Variants in GRID2IP observed in about 807,000 individuals in gnomAD.
GRID2IP encodes the protein delphilin.
In GRID2IP, 78 loss-of-function variants were observed where a neutral mutation model predicts 114.3. That is an observed-to-expected ratio of 0.68 (90% CI 0.57 to 0.82). GRID2IP has a LOEUF of 0.82. Ranked by LOEUF, GRID2IP falls within the 40% of genes least tolerant of loss-of-function variation. GRID2IP has a pLI of 0.00. For synonymous variants in GRID2IP, 809 were observed against 724.0 expected, an observed-to-expected ratio of 1.12 and a Z score of -1.89; for missense variants, 1,727 against 1,678.5, an observed-to-expected ratio of 1.03 and a Z score of -0.51.
rs937078005 is a variant in GRID2IP, at chr7:6,523,542, T to C, written c.920-1585A>G. Among the ~76,000 whole-genome samples the C allele has an allele frequency of 1.3e-5, 2 of 151,954 alleles. No homozygotes were observed. Among genetic ancestry groups the C allele is most frequent in the Admixed American group, 1.3e-4 (2 of 15,236 alleles). ...AGGCATGGGATCACTGGCTTGAAGG[T>C]TGGGTTGGGAAGAACAGCAGACCTG... On this transcript the variant is annotated intron_variant, in intron 4 of 21. Coordinates refer to ENST00000457091, the MANE Select transcript of GRID2IP (RefSeq NM_001145118.2). This position sits in a 1 kb window ranked among gnomAD's most constrained non-coding sequence, Gnocchi z 4.5.
intron 20 of GRID2IP, among the ~76,000 whole-genome samples, chr7:6,499,507 T>C (rs908334444): frequency 2.6e-5 from 4 of 152,226 alleles, no homozygotes; most frequent in African/African-American, 9.6e-5. Context: ...CTCGGCTTAC[T>C]GCAATCTCCG....
rs531684528 is a variant in GRID2IP, at chr7:6,508,854, C to T, written c.2127+104G>A. The T allele has an allele frequency of 1.4e-3, 2,044 of 1,462,162 alleles. 3 individuals carry two copies. Among genetic ancestry groups the T allele is most frequent in the Non-Finnish European group, 1.2e-3 (1,373 of 1,107,660 alleles). 90.6% of individuals were successfully genotyped at this position (1,462,162 alleles called of 1,614,324 possible). A position where few individuals can be genotyped will look rare whatever the true frequency, so the allele number is the denominator to read the frequency against. ...GGGAGTGGGATAGCCTGGGGAAGAT[C>T]CCAAGGGCAGCAGGCCCCTTGCGGG... On this transcript the variant is annotated intron_variant, in intron 12 of 21. Coordinates refer to ENST00000457091, the MANE Select transcript of GRID2IP (RefSeq NM_001145118.2). This position sits in a 1 kb window ranked among gnomAD's most constrained non-coding sequence, Gnocchi z 5.6.
chr7:6,520,301 A>T lies in GRID2IP; in HGVS notation c.1268+277T>A, dbSNP rs1412549521. Among the ~76,000 whole-genome samples, 1 of 152,046 alleles carries T rather than the reference A, an allele frequency of 6.6e-6. No homozygotes were observed. The highest frequency in any genetic ancestry group is 2.1e-4 in the South Asian group (1 of 4,824). On this transcript the variant is annotated intron_variant, in intron 7 of 21. Coordinates refer to ENST00000457091, the MANE Select transcript of GRID2IP (RefSeq NM_001145118.2). This position sits in a 1 kb window ranked among gnomAD's most constrained non-coding sequence, Gnocchi z 4.6. The stretch of plus-strand genomic sequence containing the variant: ...GCGAGACTCCATCTCAAAAAAAAAA[A>T]ATAGAATGTTGCAGGTGGTTCCTGT...
chr7:6,521,445 G>A lies in GRID2IP; in HGVS notation c.1068C>T (p.Leu356=), dbSNP rs751263311. 1.2e-5 allele frequency: 19 copies of A among 1,546,964 alleles called. No homozygotes were observed. Among genetic ancestry groups the A allele is most frequent in the Non-Finnish European group, 1.5e-5 (17 of 1,144,702 alleles). Residue 356 remains leucine, a synonymous_variant, in exon 6 of 22, where the codon CTC becomes CTT. Coordinates refer to ENST00000457091, the MANE Select transcript of GRID2IP (RefSeq NM_001145118.2). This position sits in a 1 kb window ranked among gnomAD's most constrained non-coding sequence, Gnocchi z 4.1. ...GGGTCTCACCACTGGCAAATGGGAC[G>A]AGCCCTTCCTCCACCACCAGCGTGG... ...AMPTLVVEEG[L]VPFASDSDSL... is the part of the protein sequence containing the mutation.
In GRID2IP at chr7:6,507,918, C is replaced by T; in HGVS notation, c.2544+67G>A. ...GGAAGATGCCTGGCCGATGGGTTTT[C>T]CTTCAGTGCTGCTGCCCAAGCCATC... is the stretch of plus-strand genomic sequence containing the variant. On this transcript the variant is annotated intron_variant, in intron 13 of 21. Coordinates refer to ENST00000457091, the MANE Select transcript of GRID2IP (RefSeq NM_001145118.2). The surrounding 1 kb of genome is among the most constrained non-coding windows in gnomAD (Gnocchi z 5.3). 2.0e-6 allele frequency: 3 copies of T among 1,529,550 alleles called. No individual in the cohort carries two copies. Among genetic ancestry groups the T allele is most frequent in the Non-Finnish European group, 2.6e-6 (3 of 1,137,416 alleles). 94.7% of individuals were successfully genotyped at this position (1,529,550 alleles called of 1,614,324 possible). A position where few individuals can be genotyped will look rare whatever the true frequency, so the allele number is the denominator to read the frequency against.
At position 6,551,065 on chromosome 7, in the gene GRID2IP, C is replaced by G. The variant is rs542682507; in HGVS notation, c.372G>C (p.Lys124Asn). ...GRELLRLAGR[K>N]RPDAVHRERR... Reference sequence around the variant, plus strand: ...GCTCTCGGTGCACCGCGTCCGGGCGCTTGCGGCCGGCCAGGCGAAGCAGCT... The same window carrying G: ...GCTCTCGGTGCACCGCGTCCGGGCGGTTGCGGCCGGCCAGGCGAAGCAGCT... The change falls in exon 1 of 22, where the codon AAG becomes AAC. Residue 124 changes from lysine to asparagine, a missense_variant. Physicochemically the swap from Lys to Asn is moderately conservative, Grantham distance 94 (BLOSUM62 0). Coordinates refer to ENST00000457091, the MANE Select transcript of GRID2IP (RefSeq NM_001145118.2). 2,428 of 1,313,886 alleles carry G rather than the reference C, an allele frequency of 1.8e-3. 7 individuals carry two copies. The highest frequency in any genetic ancestry group is 2.2e-3 in the South Asian group (104 of 46,818). The allele number at this position is 1,313,886 out of a possible 1,614,324, so 81.4% of individuals were successfully genotyped here. A position where few individuals can be genotyped will look rare whatever the true frequency, so the allele number is the denominator to read the frequency against.
rs1039156653 is a variant in GRID2IP at position 6,506,970 on chromosome 7, A to G, written c.2544+1015T>C. Among the ~76,000 whole-genome samples, 6 of 152,078 alleles carry G rather than the reference A, an allele frequency of 3.9e-5. No individual in the cohort carries two copies. The highest frequency in any genetic ancestry group is 1.4e-4 in the African/African-American group (6 of 41,406). On this transcript the variant is annotated intron_variant, in intron 13 of 21. Coordinates refer to ENST00000457091, the MANE Select transcript of GRID2IP (RefSeq NM_001145118.2). This position sits in a 1 kb window ranked among gnomAD's most constrained non-coding sequence, Gnocchi z 5.2. ...AGTGCTGGGATTACAGGCGTGAACC[A>G]CCAAGCCTGGCCTCAATGGGCATCT...
At chr7:6,544,770 A>C (rs1779862286) in intron 1 of GRID2IP, among the ~76,000 whole-genome samples, 1 of 151,710 alleles carries the variant, frequency 6.6e-6, no homozygotes, top group Non-Finnish European at 1.5e-5. Context: ...GGGCAACATA[A>C]CCAGACCCTG....
intron 2 of GRID2IP, among the ~76,000 whole-genome samples, chr7:6,531,968 A>G (rs890328275): frequency 1.3e-5 from 2 of 152,074 alleles, no homozygotes; most frequent in Non-Finnish European, 2.9e-5. Context: ...CACCCAGGTG[A>G]GTGGGGAGGG....
rs1406393446 is a variant in GRID2IP at position 6,520,024 on chromosome 7, C to T, written c.1268+554G>A. Among the ~76,000 whole-genome samples the T allele has an allele frequency of 1.3e-5, 2 of 152,062 alleles. No individual in the cohort carries two copies. The highest frequency in any genetic ancestry group is 1.5e-5 in the Non-Finnish European group (1 of 68,016). On this transcript the variant is annotated intron_variant, in intron 7 of 21. Transcript: ENST00000457091. This position sits in a 1 kb window ranked among gnomAD's most constrained non-coding sequence, Gnocchi z 4.6. ...GGCACGGTGGCTCACGCCTGTAATC[C>T]CAGCACTTTGGGAGGCCGAGGCGGG...
Position 6,503,660 on chromosome 7 carries a change from C to T in GRID2IP, c.2738G>A (p.Ser913Asn). Residue 913 changes from serine (S) to asparagine (N), a missense_variant, in exon 16 of 22, where the codon AGC becomes AAC. Coordinates refer to ENST00000457091, the MANE Select transcript of GRID2IP (RefSeq NM_001145118.2). The part of the protein sequence containing the change: ...TSILLAHLKL[S>N]PAELRQVLMS... ...CAGCACCTGGCGCAGCTCCGCGGGG[C>T]TCAGCTTCAGGTGTGCCAAGAGGAT... The T allele has an allele frequency of 1.3e-6, 2 of 1,513,922 alleles. No individual in the cohort carries two copies. Among genetic ancestry groups the T allele is most frequent in the Non-Finnish European group, 1.8e-6 (2 of 1,137,980 alleles). 93.8% of individuals were successfully genotyped at this position (1,513,922 alleles called of 1,614,324 possible). A position where few individuals can be genotyped will look rare whatever the true frequency, so the allele number is the denominator to read the frequency against.
In GRID2IP at chr7:6,526,396, TA is replaced by T. The variant is rs1779510945; in HGVS notation, c.834-88del. The T allele has an allele frequency of 1.3e-6, 2 of 1,508,588 alleles. No homozygotes were observed. The highest frequency in any genetic ancestry group is 2.0e-5 in the Admixed American group (1 of 50,838). 93.5% of individuals were successfully genotyped at this position (1,508,588 alleles called of 1,614,324 possible). A position where few individuals can be genotyped will look rare whatever the true frequency, so the allele number is the denominator to read the frequency against. ...GAGATGTCCCGTGTCCCTCTCCCCT[TA>T]ACCTCTCCGGCCCCCTATGCACCCC... On this transcript the variant is annotated intron_variant, in intron 3 of 21. Transcript: ENST00000457091. The surrounding 1 kb of genome is among the most constrained non-coding windows in gnomAD (Gnocchi z 7.6).
At chr7:6,543,838 C>T (rs186669059) in intron 1 of GRID2IP, among the ~76,000 whole-genome samples, 10 of 152,176 alleles carry the variant, frequency 6.6e-5, no homozygotes, top group Non-Finnish European at 1.0e-4. Flanking sequence ...GTCGCTCACT[C>T]TGTCGCTCTG....
At chr7:6,550,966 G>A (rs1779964746) in intron 1 of GRID2IP, 42 bp downstream of exon 1, 12 of 1,174,710 alleles carry the variant, frequency 1.0e-5, no homozygotes, top group Middle Eastern at 6.6e-4. Flanking sequence ...CACATTATGA[G>A]CCCCCTCCTT....
At chr7:6,500,459 G>A (rs1202101123) in intron 20 of GRID2IP, among the ~76,000 whole-genome samples, 4 of 152,152 alleles carry the variant, frequency 2.6e-5, no homozygotes, top group African/African-American at 7.2e-5. Context: ...GCGAGACTCC[G>A]TCTCAAAACA....
chr7:6,537,966 C>T (rs1224503045), intron 2 of GRID2IP, among the ~76,000 whole-genome samples: 1 of 152,208 alleles, frequency 6.6e-6, no homozygotes, highest in Non-Finnish European at 1.5e-5. Context: ...CTTAACCTCT[C>T]CGAGCCTCAG....
At chr7:6,546,605 C>G (rs1178329150) in intron 1 of GRID2IP, among the ~76,000 whole-genome samples, 1 of 151,456 alleles carries the variant, frequency 6.6e-6, no homozygotes, top group Non-Finnish European at 1.5e-5. Flanking sequence ...ACCAACTGGG[C>G]TCCACGGAGG....
rs966998130 is a variant in GRID2IP, at chr7:6,510,969, C to T, written c.1494G>A (p.Arg498=). The T allele has an allele frequency of 3.2e-6, 5 of 1,545,490 alleles. No individual in the cohort carries two copies. The African/African-American group carries it at 6.9e-5, about 21-fold the overall frequency. ...GGCTGCGGCGGCACATGGAGGAAGC[C>T]CGCAGGGAGCTCCGCGGCTGGGGCT... ...TPEPQPRSSL[R]ASSMCRRSLR... Residue 498 remains arginine (R), a synonymous_variant, in exon 9 of 22, where the codon CGG becomes CGA. Coordinates refer to ENST00000457091, the MANE Select transcript of GRID2IP (RefSeq NM_001145118.2).
rs1158603764 is a variant in GRID2IP, at chr7:6,539,871, A to C, written c.431T>G (p.Val144Gly). ...RRKAQEFSRK[V>G]DEILGDQPTA... ...TGGCTGGTCCCCCAAGATTTCATCC[A>C]CCTGCAAGGAGGAGTCCTGTGAATG... is the stretch of plus-strand genomic sequence containing the variant. Residue 144 changes from valine (V) to glycine (G), a missense_variant and splice_region_variant, in exon 2 of 22, where the codon GTG becomes GGG. By Grantham distance (109) the Val-to-Gly change is moderately radical. Coordinates refer to ENST00000457091, the MANE Select transcript of GRID2IP (RefSeq NM_001145118.2). The C allele has an allele frequency of 1.9e-6, 3 of 1,550,670 alleles. No individual in the cohort carries two copies. The highest frequency in any genetic ancestry group is 4.9e-5 in the East Asian group (2 of 40,896).
Sources: gnomAD v4.1 joint callset for allele counts (sites outside exome capture counted in the v4.1 genomes callset) on GRCh38, gnomAD v4.1.1 for gene constraint, Gnocchi (gnomAD v3.1) non-coding constraint, MANE v1.5 for transcripts, NCBI Gene and HGNC (gene_info 2026-07-23, HGNC 2026-07-21) for gene names.